The following LIFR variants were observed in gnomAD, a reference collection of about 807,000 sequenced individuals.
LIFR encodes LIF receptor subunit alpha.
A neutral mutation model predicts 122.2 loss-of-function variants in LIFR; 84 were observed. The ratio of observed to expected loss-of-function variants is 0.69; its 90% confidence interval spans 0.58 to 0.82. The LOEUF is 0.82. Ranked by LOEUF, LIFR falls within the 40% of genes least tolerant of loss-of-function variation. LIFR has a pLI of 0.00. For missense variants in LIFR, 1,294 were observed against 1,311.6 expected, an observed-to-expected ratio of 0.99 and a Z score of 0.21; for synonymous variants, 422 against 434.7, an observed-to-expected ratio of 0.97 and a Z score of 0.36.
chr5:38,595,314 G>A (rs1201756039), exon 1 of LIFR: 1 of 152,784 alleles, frequency 6.5e-6, no homozygotes, highest in Non-Finnish European at 1.5e-5. Context: ...GGGATTAGGA[G>A]TTGATAATGG....
chr5:38,487,817 G>A (rs759309079), intron 16 of LIFR, among the ~76,000 whole-genome samples: 3 of 152,124 alleles, frequency 2.0e-5, no homozygotes, highest in Non-Finnish European at 4.4e-5. Flanking sequence ...CGACCCCTCC[G>A]TTCAGACCAG....
intron 5 of LIFR, among the ~76,000 whole-genome samples, chr5:38,521,603 G>C (rs10941396): frequency 6.6e-6 from 1 of 152,040 alleles, no homozygotes; most frequent in Non-Finnish European, 1.5e-5. Context: ...TGAGCGTCCA[G>C]GTGGCTTGCT....
intron 5 of LIFR, among the ~76,000 whole-genome samples, chr5:38,517,061 T>TG (rs1746122174): frequency 6.6e-6 from 1 of 150,994 alleles, no homozygotes; most frequent in Non-Finnish European, 1.5e-5. Flanking sequence ...CTGTCAGGGA[T>TG]GGGGGGCTAG....
intron 6 of LIFR, among the ~76,000 whole-genome samples, chr5:38,511,321 C>A (rs1287311861): frequency 6.6e-6 from 1 of 151,974 alleles, no homozygotes; most frequent in Non-Finnish European, 1.5e-5. Flanking sequence ...TTTTCCAGGC[C>A]CCCTATTCGA....
chr5:38,516,123 A>G (rs2731957), intron 5 of LIFR, among the ~76,000 whole-genome samples: 77,910 of 151,962 alleles, frequency 0.51, 21,716 homozygotes, highest in African/African-American at 0.74. Flanking sequence ...CCCAAAAGTA[A>G]GGAATTACTG....
At chr5:38,538,336 C>T (rs114427340) in intron 1 of LIFR, among the ~76,000 whole-genome samples, 2,153 of 152,288 alleles carry the variant, frequency 0.014, 51 homozygotes, top group African/African-American at 0.049. Flanking sequence ...CTTCCAAATC[C>T]GTGTTCCCAG....
chr5:38,600,153 C>G (rs1478471888), upstream of LIFR, among the ~76,000 whole-genome samples: 1 of 152,168 alleles, frequency 6.6e-6, no homozygotes, highest in Admixed American at 6.5e-5. Flanking sequence ...TCTAATCTAC[C>G]TATGACCTGG....
intron 11 of LIFR, among the ~76,000 whole-genome samples, chr5:38,501,492 G>A (rs965703903): frequency 1.2e-4 from 19 of 152,168 alleles, no homozygotes; most frequent in African/African-American, 4.6e-4. Flanking sequence ...AGTGGCTCAC[G>A]CCTGTAATCC....
At chr5:38,544,216 C>T (rs1284905662) in intron 1 of LIFR, among the ~76,000 whole-genome samples, 2 of 152,138 alleles carry the variant, frequency 1.3e-5, no homozygotes, top group Non-Finnish European at 2.9e-5. Flanking sequence ...TTGCTCCCCA[C>T]CAATCCACTC....
chr5:38,488,667 G>A (rs796624242), intron 16 of LIFR, among the ~76,000 whole-genome samples: 16 of 152,310 alleles, frequency 1.1e-4, no homozygotes, highest in African/African-American at 3.6e-4. Context: ...TAGGCCAATG[G>A]TTTTTTGTCA....
At chr5:38,567,426 A>G (rs1749058030) in intron 1 of LIFR, among the ~76,000 whole-genome samples, 3 of 151,134 alleles carry the variant, frequency 2.0e-5, no homozygotes, top group Admixed American at 2.0e-4. Context: ...CTTATCCATT[A>G]TTTGTTTATT....
chr5:38,574,274 A>G (rs1192343730), intron 1 of LIFR, among the ~76,000 whole-genome samples: 1 of 152,060 alleles, frequency 6.6e-6, no homozygotes, highest in Non-Finnish European at 1.5e-5. Flanking sequence ...CCTTCCCTCT[A>G]TAGACTTCCC....
intron 7 of LIFR, 30 bp downstream of exon 7, chr5:38,510,434 G>T: frequency 6.3e-7 from 1 of 1,599,682 alleles, no homozygotes; most frequent in Non-Finnish European, 8.5e-7. Context: ...CAGGTTAATA[G>T]GAATTCTCTC....
chr5:38,477,113 T>C lies in LIFR; in HGVS notation c.*4482A>G, dbSNP rs1259343604. On this transcript the variant is annotated 3_prime_UTR_variant, in exon 20 of 20. Transcript: ENST00000453190. ...ACACTGGCACTAAAAATAGTTCATCTGTAATAAGCATGAATACGACCATGT... is the reference window on the plus strand; with the variant it reads ...ACACTGGCACTAAAAATAGTTCATCCGTAATAAGCATGAATACGACCATGT... 8.9e-6 allele frequency: 2 copies of C among 223,580 alleles called. No homozygotes were observed. The highest frequency in any genetic ancestry group is 1.3e-4 in the East Asian group (2 of 15,342). 13.8% of individuals were successfully genotyped at this position (223,580 alleles called of 1,614,324 possible).
chr5:38,560,474 C>T (rs1748793279), upstream of LIFR, among the ~76,000 whole-genome samples: 1 of 152,076 alleles, frequency 6.6e-6, no homozygotes, highest in Non-Finnish European at 1.5e-5. Context: ...GCTCAAAATT[C>T]TGTTTAGGAT....
intron 1 of LIFR, among the ~76,000 whole-genome samples, chr5:38,573,733 A>C (rs1749290843): frequency 6.6e-6 from 1 of 152,212 alleles, no homozygotes; most frequent in African/African-American, 2.4e-5. Flanking sequence ...TAAATTTACA[A>C]ATCAGCATAT....
chr5:38,489,657 G>A (rs1206201866), intron 15 of LIFR, among the ~76,000 whole-genome samples: 1 of 151,976 alleles, frequency 6.6e-6, no homozygotes, highest in Non-Finnish European at 1.5e-5. Flanking sequence ...ATTTTCCTGA[G>A]GACGAGTAAA....
chr5:38,527,184 C>A lies in LIFR; in HGVS notation c.368G>T (p.Ser123Ile). ...NSLHDFGSST[S>I]KFTLNEQNVS... is the part of the protein sequence containing the mutation. ...GTTTTGTTCATTTAGTGTGAATTTA[C>A]TTGTAGAACTTCCAAAATCATGTAG... Residue 123 changes from serine (S) to isoleucine (I), a missense_variant, in exon 4 of 20, where the codon AGT becomes ATT. Ser to Ile is a moderately radical substitution (Grantham distance 142). Coordinates refer to ENST00000453190, the MANE Select transcript of LIFR (RefSeq NM_001127671.2). The A allele has an allele frequency of 6.3e-7, 1 of 1,592,184 alleles. No homozygotes were observed. The highest frequency in any genetic ancestry group is 8.6e-7 in the Non-Finnish European group (1 of 1,162,244).
At chr5:38,501,739 T>A (rs1446766724) in intron 11 of LIFR, among the ~76,000 whole-genome samples, 1 of 149,892 alleles carries the variant, frequency 6.7e-6, no homozygotes, top group East Asian at 1.9e-4. Context: ...AGACTCTGTC[T>A]CAAAAAAATA....
Sources: allele counts gnomAD v4.1 joint callset (sites outside exome capture counted in the v4.1 genomes callset), GRCh38; gene constraint gnomAD v4.1.1; transcripts MANE v1.5; gene names NCBI Gene and HGNC (gene_info 2026-07-23, HGNC 2026-07-21).